Variants in STK3 observed in about 807,000 individuals in gnomAD.
The protein encoded by STK3 is serine/threonine-protein kinase 3.
In STK3, 41 loss-of-function variants were observed where a neutral mutation model predicts 58.0. That is an observed-to-expected ratio of 0.71 (90% CI 0.55 to 0.92). The LOEUF is 0.92. STK3 is among the 40% of genes least tolerant of loss of function. STK3 has a pLI of 0.00. For synonymous variants in STK3, 170 were observed against 191.0 expected (o/e 0.89, Z 0.91); for missense variants, 479 against 602.7 (o/e 0.79, Z 2.15).
chr8:98,816,550 A>G (rs1342684123), intron 1 of STK3, among the ~76,000 whole-genome samples: 1 of 151,688 alleles, frequency 6.6e-6, no homozygotes, highest in Non-Finnish European at 1.5e-5. Context: ...AACACAACCT[A>G]GAGACAGTGT....
At chr8:98,755,326 G>A (rs1052391460) in intron 3 of STK3, among the ~76,000 whole-genome samples, 2 of 152,128 alleles carry the variant, frequency 1.3e-5, no homozygotes, top group African/African-American at 4.8e-5. Context: ...TGAATATACA[G>A]GAATTAAGGA....
chr8:98,464,540 T>TTAAA (rs71572015), intron 10 of STK3, among the ~76,000 whole-genome samples: 4 of 69,230 alleles, frequency 5.8e-5, no homozygotes, highest in African/African-American at 2.3e-4. Flanking sequence ...TACTTAAAGT[T>TTAAA]AAAAAAAAAA....
At position 98,592,729 on chromosome 8, in the gene STK3, CTTACTTTA is replaced by C. The variant is rs1157505892; in HGVS notation, c.822+3295_822+3302del. ...GAGATCATGGAAGACTGCTCACTGA[CTTACTTTA>C]TTTATTTATTTATTTATTTATTTAT... On this transcript the variant is annotated intron_variant, in intron 7 of 10. Coordinates refer to ENST00000419617, the MANE Select transcript of STK3 (RefSeq NM_006281.4). Among the ~76,000 whole-genome samples, 741 of 145,392 alleles carry C rather than the reference CTTACTTTA, an allele frequency of 5.1e-3. 5 individuals are homozygous for C. The highest frequency in any genetic ancestry group is 0.018 in the African/African-American group (698 of 39,308).
chr8:98,745,927 A>G lies in STK3; in HGVS notation c.351+3349T>C, dbSNP rs1829613832. The stretch of plus-strand genomic sequence containing the variant: ...TGGTATAGCCTATTGCTCCTAGGCT[A>G]CAAACCTGTGTAGCATGTTACCGTA... On this transcript the variant is annotated intron_variant, in intron 4 of 10. Transcript: ENST00000419617. 3.3e-5 allele frequency among the ~76,000 whole-genome samples: 5 copies of G among 152,364 alleles called. No individual in the cohort carries two copies. The South Asian group carries it at 1.0e-3, about 32-fold the overall frequency.
At chr8:98,445,600 C>G (rs79038123) in intron 1 of STK3, among the ~76,000 whole-genome samples, 4,547 of 151,974 alleles carry the variant, frequency 0.03, 221 homozygotes, top group African/African-American at 0.099. Flanking sequence ...TTTTATGCAT[C>G]CTTCTTTGTA....
chr8:98,443,303 T>G (rs959273801), intron 1 of STK3, among the ~76,000 whole-genome samples: 2 of 152,242 alleles, frequency 1.3e-5, no homozygotes, highest in African/African-American at 4.8e-5. Context: ...TCCCAAGCTT[T>G]CAGGGTATTG....
intron 1 of STK3, among the ~76,000 whole-genome samples, chr8:98,888,335 A>T (rs1031530935): frequency 6.6e-6 from 1 of 152,148 alleles, no homozygotes; most frequent in African/African-American, 2.4e-5. Context: ...AAAAAATTTT[A>T]AAATAAATAA....
intron 10 of STK3, among the ~76,000 whole-genome samples, chr8:98,469,108 T>A (rs201106134): frequency 6.9e-6 from 1 of 145,868 alleles, no homozygotes. Context: ...ACTCCATCTT[T>A]AAAAAAAAAA....
chr8:98,517,161 T>C (rs930174627), intron 10 of STK3, among the ~76,000 whole-genome samples: 2 of 152,072 alleles, frequency 1.3e-5, no homozygotes, highest in African/African-American at 4.8e-5. Context: ...GAAACAACAT[T>C]AGTTTGAATG....
At position 98,714,520 on chromosome 8, in the gene STK3, C is replaced by T. The variant is rs190358943; in HGVS notation, c.352-7209G>A. On this transcript the variant is annotated intron_variant, in intron 4 of 10. Transcript: ENST00000419617. ...AACAGAGAGACAAATCATGAGTGAACTACCATTCACAATTGCTTCAAAGAG... is the reference window on the plus strand; with the variant it reads ...AACAGAGAGACAAATCATGAGTGAATTACCATTCACAATTGCTTCAAAGAG... Among the ~76,000 whole-genome samples the T allele has an allele frequency of 2.0e-5, 3 of 152,288 alleles. No individual in the cohort carries two copies. The East Asian group carries it at 5.8e-4, about 29-fold the overall frequency.
chr8:98,429,954 G>A (rs1438143944), intron 3 of STK3: 1 of 167,716 alleles, frequency 6.0e-6, no homozygotes, highest in Non-Finnish European at 1.5e-5. Flanking sequence ...AGAATGCAAA[G>A]TTAAGCAGAC....
At chr8:98,918,871 A>T (rs1295635541) in intron 1 of STK3, among the ~76,000 whole-genome samples, 1 of 152,002 alleles carries the variant, frequency 6.6e-6, no homozygotes, top group Non-Finnish European at 1.5e-5. Flanking sequence ...AGAGAATTTG[A>T]CAATCAGAAC....
At chr8:98,837,363 C>CAAAAAAAA (rs533620773) in intron 3 of STK3, among the ~76,000 whole-genome samples, 1 of 63,264 alleles carries the variant, frequency 1.6e-5, no homozygotes, top group African/African-American at 5.9e-5. Context: ...TGGAGCTCAG[C>CAAAAAAAA]AAAAAAAAAA....
At chr8:98,764,500 A>G (rs184854858) in intron 3 of STK3, among the ~76,000 whole-genome samples, 1 of 152,396 alleles carries the variant, frequency 6.6e-6, no homozygotes, top group Non-Finnish European at 1.5e-5. Context: ...ACTCAGTATC[A>G]TCTGAAGTAT....
chr8:98,455,162 G>T lies in STK3; in HGVS notation c.*680C>A, dbSNP rs912329293. 2 of 152,084 alleles carry T rather than the reference G, an allele frequency of 1.3e-5. No individual in the cohort carries two copies. Among genetic ancestry groups the T allele is most frequent in the African/African-American group, 4.8e-5 (2 of 41,260 alleles). 9.4% of individuals were successfully genotyped at this position (152,084 alleles called of 1,614,324 possible). A position where few individuals can be genotyped will look rare whatever the true frequency, so the allele number is the denominator to read the frequency against. ...TACCTAAATATATATAGTTCTATTT[G>T]TACCAAACATCAAAAATCAAAAAAA... On this transcript the variant is annotated 3_prime_UTR_variant, in exon 11 of 11. Coordinates refer to ENST00000419617, the MANE Select transcript of STK3 (RefSeq NM_006281.4).
At chr8:98,756,083 C>T (rs1830271003) in intron 3 of STK3, among the ~76,000 whole-genome samples, 1 of 151,236 alleles carries the variant, frequency 6.6e-6, no homozygotes, top group African/African-American at 2.4e-5. Flanking sequence ...GCAGAGGTTG[C>T]AGAGAGACGA....
chr8:98,914,691 A>G (rs772582297), intron 1 of STK3, among the ~76,000 whole-genome samples: 4 of 152,172 alleles, frequency 2.6e-5, no homozygotes, highest in Non-Finnish European at 4.4e-5. Context: ...TGGGTCCTCA[A>G]AACAGGATGG....
chr8:98,545,473 G>A (rs1172654746), intron 9 of STK3, among the ~76,000 whole-genome samples: 1 of 152,148 alleles, frequency 6.6e-6, no homozygotes, highest in Non-Finnish European at 1.5e-5. Context: ...TTTTTTAAAA[G>A]GCAGATCAAA....
At chr8:98,519,594 G>T (rs1460341007) in intron 10 of STK3, among the ~76,000 whole-genome samples, 1 of 152,138 alleles carries the variant, frequency 6.6e-6, no homozygotes, top group Admixed American at 6.6e-5. Flanking sequence ...TTGCAACAGT[G>T]ACTTTTGTTT....
Sources: gnomAD v4.1 joint callset for allele counts (sites outside exome capture counted in the v4.1 genomes callset) on GRCh38, gnomAD v4.1.1 for gene constraint, MANE v1.5 for transcripts, NCBI Gene and HGNC (gene_info 2026-07-23, HGNC 2026-07-21) for gene names.